The following PLPP1 variants were observed in gnomAD, a reference collection of about 807,000 sequenced individuals.
PLPP1 encodes the protein lipid phosphate phosphohydrolase 1a.
A neutral mutation model predicts 31.2 loss-of-function variants in PLPP1; 24 were observed. The ratio of observed to expected loss-of-function variants is 0.77; its 90% CI spans 0.56 to 1.08. PLPP1 has a LOEUF of 1.08. Among genes scored for constraint, PLPP1 ranks in the 50% least tolerant of loss-of-function variants. The probability of loss-of-function intolerance (pLI) is 0.00; values close to 1 mark genes in which losing one functional copy is unlikely to be tolerated. For synonymous variants in PLPP1, 146 were observed against 126.3 expected, an observed-to-expected ratio of 1.16 and a Z score of -1.05; for missense variants, 319 against 342.7, an observed-to-expected ratio of 0.93 and a Z score of 0.55.
intron 3 of PLPP1, among the ~76,000 whole-genome samples, chr5:55,456,473 A>C (rs192882140): frequency 2.0e-5 from 3 of 152,340 alleles, no homozygotes; most frequent in African/African-American, 7.2e-5. Flanking sequence ...GTCAAGCATC[A>C]TAATTTTATA....
chr5:55,466,869 TA>T (rs1752309504), intron 3 of PLPP1, among the ~76,000 whole-genome samples: 1 of 152,084 alleles, frequency 6.6e-6, no homozygotes, highest in Non-Finnish European at 1.5e-5. Context: ...TTTGAACAAC[TA>T]AAGGAAATTA....
intron 1 of PLPP1, among the ~76,000 whole-genome samples, chr5:55,532,309 A>C (rs1290878957): frequency 6.6e-6 from 1 of 152,154 alleles, no homozygotes; most frequent in Non-Finnish European, 1.5e-5. Flanking sequence ...ATTATGTTTC[A>C]GCCATTCTAA....
intron 1 of PLPP1, among the ~76,000 whole-genome samples, chr5:55,521,577 C>A (rs1207045581): frequency 2.0e-5 from 3 of 152,126 alleles, no homozygotes; most frequent in Non-Finnish European, 4.4e-5. Flanking sequence ...ATCTCACCTT[C>A]CAAAGCTCTG....
chr5:55,469,845 G>T (rs1163715631), intron 2 of PLPP1, among the ~76,000 whole-genome samples: 1 of 152,162 alleles, frequency 6.6e-6, no homozygotes, highest in African/African-American at 2.4e-5. Flanking sequence ...ATGAGACTAT[G>T]AACTCTACAA....
intron 1 of PLPP1, among the ~76,000 whole-genome samples, chr5:55,505,349 T>C (rs1343770272): frequency 1.3e-5 from 2 of 151,398 alleles, no homozygotes; most frequent in East Asian, 1.9e-4. Context: ...ATCCCAACAC[T>C]TTGGAAGGCC....
chr5:55,509,281 G>C (rs1371762012), intron 1 of PLPP1, among the ~76,000 whole-genome samples: 2 of 152,342 alleles, frequency 1.3e-5, no homozygotes, highest in South Asian at 2.1e-4. Flanking sequence ...GGCAGAGCCT[G>C]GTGGCAGGTG....
chr5:55,491,476 C>T (rs1209357720), intron 1 of PLPP1, among the ~76,000 whole-genome samples: 3 of 152,142 alleles, frequency 2.0e-5, no homozygotes, highest in South Asian at 4.1e-4. Flanking sequence ...AATTGAATTG[C>T]TTTACATTAA....
In PLPP1 at chr5:55,456,609, T is replaced by C. The variant is rs537068158; in HGVS notation, c.491+11260A>G. Reference sequence around the variant, plus strand: ...TTTTGCATTTTTAGCTTTCTGACTTTCAAAATTCAAGAGAAAAATAATAGG... The same window carrying C: ...TTTTGCATTTTTAGCTTTCTGACTTCCAAAATTCAAGAGAAAAATAATAGG... On this transcript the variant is annotated intron_variant, in intron 3 of 5. Coordinates refer to ENST00000307259, the MANE Select transcript of PLPP1 (RefSeq NM_003711.4). 8.5e-5 allele frequency among the ~76,000 whole-genome samples: 13 copies of C among 152,294 alleles called. No individual in the cohort carries two copies. The East Asian group carries it at 1.5e-3, about 18-fold the overall frequency.
chr5:55,446,039 C>T (rs1337970450), intron 3 of PLPP1, among the ~76,000 whole-genome samples: 1 of 152,130 alleles, frequency 6.6e-6, no homozygotes, highest in African/African-American at 2.4e-5. Flanking sequence ...CTCCTGCCCC[C>T]ATCAATCAAT....
chr5:55,523,847 A>G (rs957140789), intron 1 of PLPP1, among the ~76,000 whole-genome samples: 4 of 152,108 alleles, frequency 2.6e-5, no homozygotes, highest in African/African-American at 9.7e-5. Flanking sequence ...AATACCTCTC[A>G]ATTCAAATAT....
chr5:55,528,352 G>C (rs145816990), intron 1 of PLPP1, among the ~76,000 whole-genome samples: 3 of 152,254 alleles, frequency 2.0e-5, no homozygotes, highest in East Asian at 3.9e-4. Flanking sequence ...TGCTCAAAGG[G>C]AACATATTCC....
chr5:55,429,798 CTG>C (rs1202244399), intron 4 of PLPP1, among the ~76,000 whole-genome samples: 9 of 152,112 alleles, frequency 5.9e-5, no homozygotes, highest in East Asian at 5.8e-4. Context: ...AGCAGAGCCA[CTG>C]TGCATTGTCA....
chr5:55,534,088 G>A (rs978331786), intron 1 of PLPP1, among the ~76,000 whole-genome samples: 1 of 152,060 alleles, frequency 6.6e-6, no homozygotes, highest in African/African-American at 2.4e-5. Context: ...TTACAACCTG[G>A]CACACCTTCT....
intron 1 of PLPP1, among the ~76,000 whole-genome samples, chr5:55,529,829 GA>G (rs1157804440): frequency 6.6e-6 from 1 of 152,026 alleles, no homozygotes; most frequent in Non-Finnish European, 1.5e-5. Context: ...TAAATGGGAG[GA>G]ATGTACCAAA....
In PLPP1 at chr5:55,534,779, T is replaced by C. The variant is rs1329320721; in HGVS notation, c.-150A>G. On this transcript the variant is annotated 5_prime_UTR_variant, in exon 1 of 6. Transcript: ENST00000307259. ...AGGAGGAGAGCAGCCGAGGGCGGGC[T>C]GAGACCGGGCGGCGCTCCCACCGCC... is the stretch of plus-strand genomic sequence containing the variant. 3 of 801,892 alleles carry C rather than the reference T, an allele frequency of 3.7e-6. No homozygotes were observed. The highest frequency in any genetic ancestry group is 3.7e-5 in the African/African-American group (2 of 54,076). The allele number at this position is 801,892 out of a possible 1,614,324, so 49.7% of individuals were successfully genotyped here.
chr5:55,472,404 C>G (rs535988607), intron 2 of PLPP1, among the ~76,000 whole-genome samples: 5 of 152,128 alleles, frequency 3.3e-5, no homozygotes, highest in African/African-American at 1.2e-4. Flanking sequence ...AGCTCAAGAC[C>G]ATCCTGGCCA....
intron 1 of PLPP1, among the ~76,000 whole-genome samples, chr5:55,504,911 G>A (rs995748786): frequency 6.6e-6 from 1 of 151,054 alleles, no homozygotes; most frequent in Non-Finnish European, 1.5e-5. Flanking sequence ...CTGAAGCTCA[G>A]GTAATCCTCC....
intron 2 of PLPP1, chr5:55,468,362 T>C (rs561434768): frequency 1.1e-5 from 5 of 447,658 alleles, no homozygotes; most frequent in Admixed American, 7.9e-5. Context: ...GGACATTACT[T>C]ACAAAGCCAT....
chr5:55,443,190 AAAAT>A (rs1470447560), intron 3 of PLPP1, among the ~76,000 whole-genome samples: 3 of 20,418 alleles, frequency 1.5e-4, no homozygotes, highest in Non-Finnish European at 2.8e-4. Flanking sequence ...AAAAAAAAAA[AAAAT>A]ATATATATAT....
Sources: gnomAD v4.1 joint callset for allele counts (sites outside exome capture counted in the v4.1 genomes callset) on GRCh38, gnomAD v4.1.1 for gene constraint, MANE v1.5 for transcripts, NCBI Gene and HGNC (gene_info 2026-07-23, HGNC 2026-07-21) for gene names.